Variants in EFCAB3 observed in about 807,000 individuals in gnomAD.
EFCAB3 encodes EF-hand calcium-binding domain-containing protein 3.
EFCAB3 carries 36 observed loss-of-function variants against 42.2 expected under a neutral mutation model. The ratio of observed to expected loss-of-function variants is 0.85; its 90% CI spans 0.65 to 1.13. The LOEUF (loss-of-function observed/expected upper bound fraction) is 1.13. EFCAB3 is among the 50% of genes most tolerant of loss of function. The probability of loss-of-function intolerance (pLI) is 0.00; values close to 1 mark genes in which losing one functional copy is unlikely to be tolerated. For synonymous variants in EFCAB3, 170 were observed against 172.8 expected (o/e 0.98, Z 0.13); for missense variants, 418 against 505.1 (o/e 0.83, Z 1.65).
chr17:62,410,259 T>C (rs1427419160), intron 8 of EFCAB3, among the ~76,000 whole-genome samples: 4 of 152,142 alleles, frequency 2.6e-5, no homozygotes, highest in Non-Finnish European at 4.4e-5. Flanking sequence ...CAGTGCCTCA[T>C]GCCTATAATC....
chr17:62,382,813 T>C, intron 1 of EFCAB3, 150 bp from the exon 2 acceptor site: 1 of 599,262 alleles, frequency 1.7e-6, no homozygotes, highest in Non-Finnish European at 2.8e-6. Context: ...ATTCCAACTT[T>C]ATGCATACCT....
chr17:62,387,590 C>T (rs900670505), intron 3 of EFCAB3, among the ~76,000 whole-genome samples, 174 bp downstream of exon 3: 3 of 152,134 alleles, frequency 2.0e-5, no homozygotes, highest in Non-Finnish European at 4.4e-5. Context: ...TTTAAATGGA[C>T]ATCTCCCTAG....
intron 2 of EFCAB3, chr17:62,373,898 T>G: frequency 2.6e-6 from 3 of 1,170,652 alleles, no homozygotes; most frequent in Non-Finnish European, 3.7e-6. Flanking sequence ...CAATATAAAA[T>G]TATAATCTGA....
Position 62,415,099 on chromosome 17 carries a change from G to A in EFCAB3, c.991-904G>A, listed in dbSNP as rs543238272. Among the ~76,000 whole-genome samples the A allele has an allele frequency of 2.6e-4, 38 of 148,800 alleles. No homozygotes were observed. The South Asian group carries it at 6.8e-3, about 26-fold the overall frequency. The stretch of plus-strand genomic sequence containing the variant: ...AGGTTAGGCAACAGGGCAAGACTCC[G>A]TCTCAAAAACAAAAAAAAACAAAAA... On this transcript the variant is annotated intron_variant, in intron 9 of 9. Transcript: ENST00000305286.
At chr17:62,380,688 A>G in intron 1 of EFCAB3, 75 bp downstream of exon 1, 1 of 769,676 alleles carries the variant, frequency 1.3e-6, no homozygotes, top group Non-Finnish European at 1.6e-6. Context: ...AATTGAAGGT[A>G]TTTTTTTAAA....
Position 62,385,716 on chromosome 17 carries a change from CTTTTTTTT to C in EFCAB3, c.75-1610_75-1603del, listed in dbSNP as rs35067521. Among the ~76,000 whole-genome samples the C allele has an allele frequency of 2.2e-4, 17 of 77,550 alleles. No homozygotes were observed. In the East Asian group the frequency reaches 5.3e-3, roughly 24 times the overall value. 50.9% of individuals were successfully genotyped at this position (77,550 alleles called of 152,430 possible). A position where few individuals can be genotyped will look rare whatever the true frequency, so the allele number is the denominator to read the frequency against. On this transcript the variant is annotated intron_variant, in intron 2 of 9. Coordinates refer to ENST00000305286, the MANE Select transcript of EFCAB3 (RefSeq NM_173503.4). ...ATGTTTAGTATTTCTTCTAGTTTTACTTTTTTTTTTTTTTTTTTTTTGAGACAGAGTCT... is the reference window on the plus strand; with the variant it reads ...ATGTTTAGTATTTCTTCTAGTTTTACTTTTTTTTTTTTTGAGACAGAGTCT...
intron 1 of EFCAB3, among the ~76,000 whole-genome samples, chr17:62,370,804 G>T (rs2070109356): frequency 6.6e-6 from 1 of 151,956 alleles, no homozygotes; most frequent in Non-Finnish European, 1.5e-5. Context: ...TGCAGATTTG[G>T]GGGCCAGACG....
Position 62,407,065 on chromosome 17 carries a change from A to G in EFCAB3, c.720A>G (p.Ile240Met). ...NSGSDSPYSK[I>M]PIFPLFPNVD... Reference sequence around the variant, plus strand: ...GTTCAGATAGCCCATATTCAAAAATACCCATCTTTCCATTGTTCCCTAATG... The same window carrying G: ...GTTCAGATAGCCCATATTCAAAAATGCCCATCTTTCCATTGTTCCCTAATG... Residue 240 changes from isoleucine (I) to methionine (M), a missense_variant, in exon 8 of 10, where the codon ATA becomes ATG. Coordinates refer to ENST00000305286, the MANE Select transcript of EFCAB3 (RefSeq NM_173503.4). The G allele has an allele frequency of 6.3e-7, 1 of 1,599,134 alleles. No individual in the cohort carries two copies.
intron 6 of EFCAB3, chr17:62,397,445 T>C (rs1354179952): frequency 3.8e-6 from 2 of 526,606 alleles, no homozygotes; most frequent in Non-Finnish European, 3.7e-6. Flanking sequence ...CCACAGTCAC[T>C]GACGAGACCA....
At chr17:62,377,282 A>G (rs999549905), upstream of EFCAB3, among the ~76,000 whole-genome samples, 3 of 152,310 alleles carry the variant, frequency 2.0e-5, no homozygotes, top group Admixed American at 6.5e-5. Flanking sequence ...ATCATCTGCC[A>G]TGGACCTTTT....
chr17:62,406,558 A>T lies in EFCAB3; in HGVS notation c.567A>T (p.Thr189=), dbSNP rs150373113. The T allele has an allele frequency of 1.7e-4, 281 of 1,613,954 alleles. No homozygotes were observed. Among genetic ancestry groups the T allele is most frequent in the Non-Finnish European group, 2.2e-4 (255 of 1,180,004 alleles). ...ACACTATGGGCTATGGAAAAAGGAC[A>T]CTTAAGCCAGACATATGCACACCTC... ...SPYTMGYGKR[T]LKPDICTPPS... The change falls in exon 7 of 10, where the codon ACA becomes ACT. Residue 189 remains threonine (T), a synonymous_variant. Coordinates refer to ENST00000305286, the MANE Select transcript of EFCAB3 (RefSeq NM_173503.4).
intron 8 of EFCAB3, among the ~76,000 whole-genome samples, chr17:62,408,346 C>G (rs1004312792): frequency 6.6e-6 from 1 of 152,178 alleles, no homozygotes; most frequent in Admixed American, 6.5e-5. Flanking sequence ...TCAATAGCTT[C>G]CTAAATGGTC....
Position 62,380,659 on chromosome 17 carries a change from A to G in EFCAB3, c.-18+46A>G, listed in dbSNP as rs2070188360. On this transcript the variant is annotated intron_variant, in intron 1 of 9. Coordinates refer to ENST00000305286, the MANE Select transcript of EFCAB3 (RefSeq NM_173503.4). ...GGATTCTATGCTAAGTCCTTTTTAA[A>G]AAATCTATTATCTATGAGAATTGAA... 5.5e-6 allele frequency: 5 copies of G among 904,700 alleles called. No homozygotes were observed. The South Asian group carries it at 2.0e-4, about 37-fold the overall frequency. The allele number at this position is 904,700 out of a possible 1,614,324, so 56.0% of individuals were successfully genotyped here.
rs762219275 is a variant in EFCAB3, at chr17:62,391,831, A to G, written c.161A>G (p.Asp54Gly). ...LSASQMAAFQ[D>G]AYNFFYKDKT... ...AATCCTATCTCCCCAGCTTTCCAAG[A>G]TGCCTACAACTTCTTCTACAAGGAC... The change falls in exon 4 of 10, where the codon GAT (aspartate) becomes GGT (glycine). Residue 54 changes from aspartate (D) to glycine (G), a missense_variant. Coordinates refer to ENST00000305286, the MANE Select transcript of EFCAB3 (RefSeq NM_173503.4). 3 of 1,613,398 alleles carry G rather than the reference A, an allele frequency of 1.9e-6. No individual in the cohort carries two copies. The highest frequency in any genetic ancestry group is 4.5e-5 in the East Asian group (2 of 44,826).
chr17:62,393,754 G>T lies in EFCAB3; in HGVS notation c.367+110G>T. 4 of 873,914 alleles carry T rather than the reference G, an allele frequency of 4.6e-6. No homozygotes were observed. In the South Asian group the frequency reaches 6.2e-5, roughly 14 times the overall value. The allele number at this position is 873,914 out of a possible 1,614,324, so 54.1% of individuals were successfully genotyped here. The stretch of plus-strand genomic sequence containing the variant: ...GAGACAGGTCAGGAAGGTGTAGTCT[G>T]GGATGTGAGTTACTTTTGTACCTCT... On this transcript the variant is annotated intron_variant, in intron 5 of 9. Transcript: ENST00000305286.
intron 2 of EFCAB3, among the ~76,000 whole-genome samples, chr17:62,384,985 G>C (rs1210439710): frequency 6.6e-6 from 1 of 152,114 alleles, no homozygotes; most frequent in Non-Finnish European, 1.5e-5. Context: ...GCACATTTAA[G>C]GTAGGCTCGG....
intron 8 of EFCAB3, among the ~76,000 whole-genome samples, chr17:62,410,600 A>G (rs2070486991): frequency 6.6e-6 from 1 of 151,986 alleles, no homozygotes; most frequent in South Asian, 2.1e-4. Flanking sequence ...CAAAATATAT[A>G]TATAAATATA....
Position 62,411,905 on chromosome 17 carries a change from G to GAA in EFCAB3, c.868-1827_868-1826insAA, listed in dbSNP as rs1353917664. The stretch of plus-strand genomic sequence containing the variant: ...GGAAGGAAGGAAGGAAGGAAGGAAG[G>GAA]GAGGGAGGGAGGAAGACAGACAGAA... On this transcript the variant is annotated intron_variant, in intron 8 of 9. Transcript: ENST00000305286. Among the ~76,000 whole-genome samples the GAA allele has an allele frequency of 7.0e-3, 14 of 2,000 alleles. No homozygotes were observed. In the East Asian group the frequency reaches 0.35, roughly 50 times the overall value. The allele number at this position is 2,000 out of a possible 152,430, so 1.3% of individuals were successfully genotyped here.
upstream of EFCAB3, chr17:62,378,084 T>A (rs187669498): frequency 1.2e-5 from 16 of 1,325,506 alleles, no homozygotes; most frequent in Admixed American, 3.8e-4. Flanking sequence ...TTACATTTTT[T>A]AATACCTTAG....
Sources: allele counts gnomAD v4.1 joint callset (sites outside exome capture counted in the v4.1 genomes callset), GRCh38; gene constraint gnomAD v4.1.1; transcripts MANE v1.5; gene names NCBI Gene and HGNC (gene_info 2026-07-23, HGNC 2026-07-21).